Variants in SLC24A2 observed in about 807,000 individuals in gnomAD.
The protein encoded by SLC24A2 is sodium/potassium/calcium exchanger 2.
Under a neutral mutation model 62.0 loss-of-function variants are expected in SLC24A2, and 36 were observed. The ratio of observed to expected loss-of-function variants is 0.58; its 90% CI spans 0.44 to 0.77. The LOEUF is 0.77. Ranked by LOEUF, SLC24A2 falls within the 30% of genes least tolerant of loss-of-function variation. The pLI is 0.00. For missense variants in SLC24A2, 846 were observed against 817.9 expected (o/e 1.03, Z -0.42); for synonymous variants, 358 against 294.0 (o/e 1.22, Z -2.23).
chr9:19,630,041 T>C (rs903540036), intron 2 of SLC24A2, among the ~76,000 whole-genome samples: 5 of 152,212 alleles, frequency 3.3e-5, no homozygotes, highest in Admixed American at 6.5e-5. Flanking sequence ...AGAATAAATA[T>C]GTTATATCAT....
chr9:19,958,595 A>G, the SLC24A2 span, among the ~76,000 whole-genome samples: 15 of 152,180 alleles, frequency 9.9e-5, no homozygotes, highest in Non-Finnish European at 2.1e-4. Flanking sequence ...CCTCTTTACT[A>G]GCTAAGTGAC....
the SLC24A2 span, among the ~76,000 whole-genome samples, chr9:20,268,134 C>T: frequency 6.6e-6 from 1 of 152,188 alleles, no homozygotes; most frequent in Non-Finnish European, 1.5e-5. Flanking sequence ...AGAAGATTAA[C>T]ACTGATGTGG....
chr9:19,788,979 G>A lies in SLC24A2; in HGVS notation c.-248C>T, dbSNP rs903292386. The A allele has an allele frequency of 1.1e-5, 11 of 981,370 alleles. No individual in the cohort carries two copies. The highest frequency in any genetic ancestry group is 1.3e-5 in the Non-Finnish European group (11 of 826,374). The allele number at this position is 981,370 out of a possible 1,614,324, so 60.8% of individuals were successfully genotyped here. A position where few individuals can be genotyped will look rare whatever the true frequency, so the allele number is the denominator to read the frequency against. ...CCTCCGCCTACCCGCTCTGAGGCCC[G>A]GGCTCTGGCTCGCACTGGCTGCCGC... On this transcript the variant is annotated 5_prime_UTR_variant, in exon 1 of 11. Coordinates refer to ENST00000341998, the MANE Select transcript of SLC24A2 (RefSeq NM_020344.4).
the SLC24A2 span, among the ~76,000 whole-genome samples, chr9:20,225,563 T>TTATATATATA: frequency 1.2e-5 from 1 of 81,142 alleles, no homozygotes; most frequent in African/African-American, 6.6e-5. Flanking sequence ...ATATATATTA[T>TTATATATATA]ATATATATAT....
At chr9:20,023,510 C>T in the SLC24A2 span, among the ~76,000 whole-genome samples, 1 of 152,196 alleles carries the variant, frequency 6.6e-6, no homozygotes, top group Non-Finnish European at 1.5e-5. Context: ...TCAGATTTCA[C>T]TTAGTCTGGA....
intron 2 of SLC24A2, among the ~76,000 whole-genome samples, chr9:19,742,386 A>G (rs952914615): frequency 6.6e-6 from 1 of 152,198 alleles, no homozygotes; most frequent in African/African-American, 2.4e-5. Context: ...TCAGTTGCCC[A>G]TCCTTTCAGA....
intron 7 of SLC24A2, among the ~76,000 whole-genome samples, chr9:19,571,584 C>A (rs971080089): frequency 1.8e-4 from 28 of 152,232 alleles, no homozygotes; most frequent in Non-Finnish European, 4.0e-4. Context: ...CACTGGGGAG[C>A]TCATTAGAAC....
At chr9:19,636,342 T>TTCTTTTC (rs1564009895) in intron 2 of SLC24A2, among the ~76,000 whole-genome samples, 1 of 35,936 alleles carries the variant, frequency 2.8e-5, no homozygotes. Flanking sequence ...TTTCTTTCTT[T>TTCTTTTC]CTTTCTTTCT....
At chr9:19,998,925 AG>A in the SLC24A2 span, among the ~76,000 whole-genome samples, 3 of 152,244 alleles carry the variant, frequency 2.0e-5, no homozygotes, top group Non-Finnish European at 4.4e-5. Context: ...AGCCACCCAC[AG>A]AAGAATCAGA....
the SLC24A2 span, among the ~76,000 whole-genome samples, chr9:20,091,902 T>C: frequency 6.6e-6 from 1 of 152,196 alleles, no homozygotes; most frequent in Non-Finnish European, 1.5e-5. Context: ...CATGGAATAC[T>C]ATGCAGCCAT....
At position 19,564,562 on chromosome 9, in the gene SLC24A2, A is replaced by G. The variant is rs543913623; in HGVS notation, c.1347+8789T>C. Among the ~76,000 whole-genome samples, 42 of 134,536 alleles carry G rather than the reference A, an allele frequency of 3.1e-4. No homozygotes were observed. The South Asian group carries it at 4.7e-3, about 15-fold the overall frequency. 88.3% of individuals were successfully genotyped at this position (134,536 alleles called of 152,430 possible). A position where few individuals can be genotyped will look rare whatever the true frequency, so the allele number is the denominator to read the frequency against. ...TCTGTATCTATCTGTCTATCAATCAATCACATTCCTAGGAATGTCATTTTC... is the reference window on the plus strand; with the variant it reads ...TCTGTATCTATCTGTCTATCAATCAGTCACATTCCTAGGAATGTCATTTTC... On this transcript the variant is annotated intron_variant, in intron 7 of 10. Coordinates refer to ENST00000341998, the MANE Select transcript of SLC24A2 (RefSeq NM_020344.4).
the SLC24A2 span, among the ~76,000 whole-genome samples, chr9:20,209,924 C>T: frequency 6.6e-6 from 1 of 152,130 alleles, no homozygotes. Context: ...TCCTTCTTGA[C>T]CTTGATCATA....
the SLC24A2 span, among the ~76,000 whole-genome samples, chr9:19,930,165 C>G: frequency 6.6e-6 from 1 of 152,034 alleles, no homozygotes; most frequent in Non-Finnish European, 1.5e-5. Flanking sequence ...CAGTAATGTC[C>G]TAGGTCTTCA....
intron 2 of SLC24A2, among the ~76,000 whole-genome samples, chr9:19,650,442 A>G (rs10811222): frequency 0.5 from 76,104 of 152,010 alleles, 19,587 homozygotes; most frequent in East Asian, 0.81. Context: ...GACCATAGCT[A>G]CCATTTTGCT....
the SLC24A2 span, among the ~76,000 whole-genome samples, chr9:20,230,428 G>A: frequency 3.9e-5 from 6 of 152,228 alleles, no homozygotes; most frequent in East Asian, 1.9e-4. Flanking sequence ...TTGCCATTCT[G>A]ACTGGTGTGA....
intron 2 of SLC24A2, among the ~76,000 whole-genome samples, chr9:19,654,612 T>C (rs1271145354): frequency 6.6e-6 from 1 of 152,222 alleles, no homozygotes; most frequent in Non-Finnish European, 1.5e-5. Flanking sequence ...TTCTAACATT[T>C]GTCCGGCAGG....
At chr9:19,838,455 CCACACACA>C in the SLC24A2 span, among the ~76,000 whole-genome samples, 323 of 144,852 alleles carry the variant, frequency 2.2e-3, 3 homozygotes, top group African/African-American at 7.2e-3. Flanking sequence ...AGACCTAAAA[CCACACACA>C]CACACACACA....
chr9:19,621,652 G>C (rs1817911945), intron 3 of SLC24A2, among the ~76,000 whole-genome samples: 1 of 152,114 alleles, frequency 6.6e-6, no homozygotes, highest in African/African-American at 2.4e-5. Flanking sequence ...AATGTGATGT[G>C]TTAATTAAAT....
chr9:20,069,720 G>A, the SLC24A2 span, among the ~76,000 whole-genome samples: 1 of 152,216 alleles, frequency 6.6e-6, no homozygotes, highest in Admixed American at 6.5e-5. Flanking sequence ...TATAGAAACG[G>A]CACTATGCTG....
Sources: allele counts gnomAD v4.1 joint callset (sites outside exome capture counted in the v4.1 genomes callset), GRCh38; gene constraint gnomAD v4.1.1; transcripts MANE v1.5; gene names NCBI Gene and HGNC (gene_info 2026-07-23, HGNC 2026-07-21).